LCORL: variants seen among roughly 807,000 people sequenced by gnomAD.
LCORL encodes the protein ligand dependent nuclear receptor corepressor like.
A neutral mutation model predicts 141.8 loss-of-function variants in LCORL; 41 were observed. The observed-to-expected ratio is 0.29, with a 90% CI of 0.23 to 0.38. The LOEUF (loss-of-function observed/expected upper bound fraction) is 0.38, where lower values mean the gene tolerates loss of function less well. Among genes scored for constraint, LCORL ranks in the 10% least tolerant of loss-of-function variants. The pLI, the probability that LCORL is intolerant of heterozygous loss-of-function variation, is 1.00. For synonymous variants in LCORL, 618 were observed against 694.1 expected, an observed-to-expected ratio of 0.89 and a Z score of 1.72; for missense variants, 1,759 against 2,035.0, an observed-to-expected ratio of 0.86 and a Z score of 2.61.
intron 1 of LCORL, among the ~76,000 whole-genome samples, chr4:18,012,237 C>T (rs1305700276): frequency 6.6e-6 from 1 of 152,206 alleles, no homozygotes; most frequent in Non-Finnish European, 1.5e-5. Flanking sequence ...ATTTTTCATT[C>T]ACGGCCAAGC....
chr4:17,879,468 T>C (rs1001938966), intron 6 of LCORL, among the ~76,000 whole-genome samples: 4 of 151,088 alleles, frequency 2.6e-5, no homozygotes, highest in Non-Finnish European at 4.5e-5. Flanking sequence ...TGAGAAGAGA[T>C]GTGAAATTAA....
At chr4:18,013,914 T>C (rs1724216143) in intron 1 of LCORL, among the ~76,000 whole-genome samples, 1 of 152,060 alleles carries the variant, frequency 6.6e-6, no homozygotes, top group African/African-American at 2.4e-5. Flanking sequence ...TTCAAGCGAT[T>C]CTTGTGCCTC....
At chr4:17,849,800 C>G (rs1723408909) in intron 7 of LCORL, among the ~76,000 whole-genome samples, 1 of 151,790 alleles carries the variant, frequency 6.6e-6, no homozygotes, top group Admixed American at 6.6e-5. Flanking sequence ...CATATGGAAC[C>G]AAAAAAGAGC....
rs536305432 is a variant in LCORL at position 17,975,930 on chromosome 4, T to C, written c.155-3045A>G. ...GTCTTTTATCTCTCATGATTTTCTG[T>C]CTTTTCTCCTTTTCTGCCAATTTTG... On this transcript the variant is annotated intron_variant, in intron 1 of 7. Transcript: ENST00000635767. 1.7e-4 allele frequency among the ~76,000 whole-genome samples: 26 copies of C among 152,302 alleles called. No individual in the cohort carries two copies. The East Asian group carries it at 4.2e-3, about 25-fold the overall frequency.
intron 4 of LCORL, among the ~76,000 whole-genome samples, chr4:17,954,324 C>T (rs556696447): frequency 2.6e-5 from 4 of 152,064 alleles, no homozygotes; most frequent in Non-Finnish European, 5.9e-5. Context: ...GGATTCTAGA[C>T]AGAAGTAACA....
chr4:18,014,407 A>G (rs1724290684), intron 1 of LCORL, among the ~76,000 whole-genome samples: 1 of 152,208 alleles, frequency 6.6e-6, no homozygotes, highest in Non-Finnish European at 1.5e-5. Flanking sequence ...AGTCAGACTG[A>G]AAGACAGTAA....
intron 4 of LCORL, among the ~76,000 whole-genome samples, chr4:17,919,650 A>G (rs1733985418): frequency 6.6e-6 from 1 of 152,222 alleles, no homozygotes; most frequent in African/African-American, 2.4e-5. Context: ...ATAATGCTAC[A>G]TATTGGTTCT....
intron 5 of LCORL, chr4:17,893,168 T>C (rs1729370653): frequency 6.3e-6 from 1 of 158,284 alleles, no homozygotes; most frequent in Non-Finnish European, 1.4e-5. Flanking sequence ...CACCTCAGTA[T>C]CTTCTTCTGG....
rs867000091 is a variant in LCORL at position 17,987,513 on chromosome 4, A to G, written c.155-14628T>C. The stretch of plus-strand genomic sequence containing the variant: ...TTTTGCTATTGTGAATAACACTACT[A>G]TGAAATTTACATGAAACAGATTTTC... On this transcript the variant is annotated intron_variant, in intron 1 of 7. Transcript: ENST00000635767. 7.9e-5 allele frequency among the ~76,000 whole-genome samples: 12 copies of G among 152,312 alleles called. 1 individual carries two copies. The Middle Eastern group carries it at 0.017, about 216-fold the overall frequency.
intron 6 of LCORL, chr4:17,881,991 A>AG: frequency 1.0e-6 from 1 of 983,290 alleles, no homozygotes; most frequent in Non-Finnish European, 1.2e-6. Context: ...AAAAAAAAAA[A>AG]AAAGAGGATT....
exon 7 of LCORL, chr4:17,876,713 A>G: frequency 8.1e-7 from 1 of 1,230,736 alleles, no homozygotes; most frequent in South Asian, 4.1e-5. Flanking sequence ...TTCTCAAAAG[A>G]GTTTGAGTAT....
intron 4 of LCORL, among the ~76,000 whole-genome samples, chr4:17,932,567 A>G (rs1030083109): frequency 7.9e-5 from 12 of 152,146 alleles, no homozygotes; most frequent in Non-Finnish European, 4.4e-5. Context: ...TTAGCCTTAA[A>G]TAAAATATGG....
intron 4 of LCORL, among the ~76,000 whole-genome samples, chr4:17,915,485 G>A (rs903668878): frequency 2.0e-5 from 3 of 152,284 alleles, no homozygotes; most frequent in Non-Finnish European, 2.9e-5. Context: ...GTGCATATTA[G>A]TGGGATGCTG....
At chr4:18,000,874 T>A (rs1721838627) in intron 1 of LCORL, among the ~76,000 whole-genome samples, 1 of 152,196 alleles carries the variant, frequency 6.6e-6, no homozygotes, top group South Asian at 2.1e-4. Context: ...AGGTGTAAGA[T>A]CATGATCTGA....
intron 4 of LCORL, among the ~76,000 whole-genome samples, chr4:17,927,569 A>G (rs1735347531): frequency 6.6e-6 from 1 of 152,182 alleles, no homozygotes. Flanking sequence ...AATAAGAGGC[A>G]TATGACTCTT....
rs1353723475 is a variant in LCORL at position 17,853,045 on chromosome 4, CTTGATTT to C, written c.5603-7151_5603-7145del. Among the ~76,000 whole-genome samples, 750 of 128,598 alleles carry C rather than the reference CTTGATTT, an allele frequency of 5.8e-3. 7 individuals are homozygous for C. Among genetic ancestry groups the C allele is most frequent in the Non-Finnish European group, 9.0e-3 (551 of 61,242 alleles). The allele number at this position is 128,598 out of a possible 152,430, so 84.4% of individuals were successfully genotyped here. A position where few individuals can be genotyped will look rare whatever the true frequency, so the allele number is the denominator to read the frequency against. On this transcript the variant is annotated intron_variant, in intron 7 of 7. Coordinates refer to ENST00000635767, the Ensembl canonical transcript of LCORL. ...TACGTACCAGGCAGTGTGCTAAAAGCTTGATTTTTTTTTTTTTTTTTTTTTTTAACAA... is the reference window on the plus strand; with the variant it reads ...TACGTACCAGGCAGTGTGCTAAAAGCTTTTTTTTTTTTTTTTTTTTAACAA...
exon 7 of LCORL, chr4:17,875,456 A>T: frequency 8.1e-7 from 1 of 1,231,446 alleles, no homozygotes; most frequent in Non-Finnish European, 1.0e-6. Context: ...TATTATATTC[A>T]GTTGGAAAAT....
intron 4 of LCORL, among the ~76,000 whole-genome samples, chr4:17,935,020 A>G (rs1365599306): frequency 6.6e-6 from 1 of 152,184 alleles, no homozygotes; most frequent in African/African-American, 2.4e-5. Context: ...GTAGTTTCAT[A>G]GAGAACAAAT....
chr4:17,904,221 A>G (rs1189510876), intron 5 of LCORL, among the ~76,000 whole-genome samples: 2 of 152,182 alleles, frequency 1.3e-5, no homozygotes, highest in African/African-American at 2.4e-5. Context: ...AGATATTCTT[A>G]TAAGTATCTT....
Sources: allele counts gnomAD v4.1 joint callset (sites outside exome capture counted in the v4.1 genomes callset), GRCh38; gene constraint gnomAD v4.1.1; transcripts MANE v1.5; gene names NCBI Gene and HGNC (gene_info 2026-07-23, HGNC 2026-07-21).